The following GRID1 variants were observed in gnomAD, a reference collection of about 807,000 sequenced individuals.
GRID1 encodes glutamate ionotropic receptor delta type subunit 1.
A neutral mutation model predicts 98.0 loss-of-function variants in GRID1; 28 were observed. The observed-to-expected ratio is 0.29, with a 90% CI of 0.21 to 0.39. The LOEUF (loss-of-function observed/expected upper bound fraction) is 0.39. GRID1 is among the 10% of genes least tolerant of loss of function. The probability of loss-of-function intolerance (pLI) is 1.00; values close to 1 mark genes in which losing one functional copy is unlikely to be tolerated. For missense variants in GRID1, 1,111 were observed against 1,340.5 expected, an observed-to-expected ratio of 0.83 and a Z score of 2.67; for synonymous variants, 553 against 538.5, an observed-to-expected ratio of 1.03 and a Z score of -0.37.
Position 85,779,955 on chromosome 10 carries a change from G to A in GRID1, c.1234-50341C>T, listed in dbSNP as rs185349417. 2.5e-3 allele frequency among the ~76,000 whole-genome samples: 386 copies of A among 152,278 alleles called. 4 individuals carry two copies. The highest frequency in any genetic ancestry group is 3.4e-3 in the Middle Eastern group (1 of 294). ...GTGGGATGTTGGAAAGATGCCTGCC[G>A]GAGAAAGGGAAGGGGTAAATGACTA... On this transcript the variant is annotated intron_variant, in intron 8 of 15. Coordinates refer to ENST00000327946, the MANE Select transcript of GRID1 (RefSeq NM_017551.3).
At chr10:86,315,949 T>C (rs1012269551) in intron 2 of GRID1, among the ~76,000 whole-genome samples, 4 of 152,058 alleles carry the variant, frequency 2.6e-5, no homozygotes, top group African/African-American at 7.3e-5. Flanking sequence ...CATTTACCCA[T>C]TTTTCTAACT....
chr10:85,946,690 A>G (rs1410026874), intron 4 of GRID1, among the ~76,000 whole-genome samples: 1 of 152,176 alleles, frequency 6.6e-6, no homozygotes, highest in African/African-American at 2.4e-5. Context: ...GGGGGGAAGA[A>G]TCCCCAGGTC....
At chr10:86,065,210 C>CA (rs1165616109) in intron 4 of GRID1, among the ~76,000 whole-genome samples, 1 of 152,254 alleles carries the variant, frequency 6.6e-6, no homozygotes, top group Non-Finnish European at 1.5e-5. Flanking sequence ...CCAGCAGCGT[C>CA]AGCATCACCT....
chr10:86,088,048 C>T (rs141236899), intron 4 of GRID1, among the ~76,000 whole-genome samples: 253 of 152,368 alleles, frequency 1.7e-3, no homozygotes, highest in African/African-American at 5.9e-3. Flanking sequence ...GCCCCACAAA[C>T]GCTTCCGTGG....
At chr10:85,834,804 CAG>C (rs1342351982) in intron 8 of GRID1, among the ~76,000 whole-genome samples, 2 of 151,926 alleles carry the variant, frequency 1.3e-5, no homozygotes, top group African/African-American at 2.4e-5. Flanking sequence ...AAATTAAAAA[CAG>C]AGGAAATAAA....
intron 3 of GRID1, among the ~76,000 whole-genome samples, chr10:86,203,668 A>G (rs1845985989): frequency 6.6e-6 from 1 of 151,856 alleles, no homozygotes; most frequent in Non-Finnish European, 1.5e-5. Flanking sequence ...GGCCTCCAGC[A>G]AGCCGAGAGC....
At chr10:85,712,588 C>G (rs1183706558) in intron 12 of GRID1, among the ~76,000 whole-genome samples, 1 of 151,844 alleles carries the variant, frequency 6.6e-6, no homozygotes, top group Admixed American at 6.6e-5. Context: ...CAAACATATA[C>G]AGAACATTCC....
chr10:85,927,634 T>C lies in GRID1; in HGVS notation c.727-11395A>G, dbSNP rs141060286. On this transcript the variant is annotated intron_variant, in intron 4 of 15. Coordinates refer to ENST00000327946, the MANE Select transcript of GRID1 (RefSeq NM_017551.3). ...CCCAGAAACTTGTCAAAATTGGCTA[T>C]ACCCGGTGTTTATTTTTCAAACGAA... Among the ~76,000 whole-genome samples, 562 of 152,294 alleles carry C rather than the reference T, an allele frequency of 3.7e-3. 4 individuals carry two copies. Among genetic ancestry groups the C allele is most frequent in the African/African-American group, 0.013 (535 of 41,558 alleles).
intron 4 of GRID1, among the ~76,000 whole-genome samples, chr10:86,095,509 G>GA (rs1191253281): frequency 1.3e-5 from 2 of 149,840 alleles, no homozygotes; most frequent in South Asian, 2.1e-4. Flanking sequence ...AAATCAGTAA[G>GA]AAAAAAAAAT....
Position 85,913,662 on chromosome 10 carries a change from G to T in GRID1, c.780+2524C>A, listed in dbSNP as rs1414089719. 4.0e-5 allele frequency among the ~76,000 whole-genome samples: 6 copies of T among 150,362 alleles called. 1 individual carries two copies. The highest frequency in any genetic ancestry group is 9.8e-5 in the African/African-American group (4 of 40,618). On this transcript the variant is annotated intron_variant, in intron 5 of 15. Transcript: ENST00000327946. ...AGATTAGCTGGGTGAGCTGGCACACGCCTGTAGTCCCAGCTACTCAGGAGG... is the reference window on the plus strand; with the variant it reads ...AGATTAGCTGGGTGAGCTGGCACACTCCTGTAGTCCCAGCTACTCAGGAGG...
intron 4 of GRID1, among the ~76,000 whole-genome samples, chr10:86,103,131 G>C (rs1844324127): frequency 6.6e-6 from 1 of 151,998 alleles, no homozygotes. Context: ...GTATGAAATG[G>C]GCTAATACAG....
chr10:86,175,532 C>G (rs1314080054), intron 3 of GRID1, among the ~76,000 whole-genome samples: 3 of 152,126 alleles, frequency 2.0e-5, no homozygotes, highest in Non-Finnish European at 4.4e-5. Context: ...CTCGAACCCA[C>G]CCCATCTGCC....
chr10:85,888,269 C>T (rs1044849984), intron 5 of GRID1, among the ~76,000 whole-genome samples: 5 of 152,324 alleles, frequency 3.3e-5, no homozygotes, highest in Admixed American at 3.3e-4. Context: ...CATCCACCTC[C>T]TCCATCACAG....
intron 5 of GRID1, among the ~76,000 whole-genome samples, chr10:85,881,087 A>G (rs557479445): frequency 6.6e-6 from 1 of 152,350 alleles, no homozygotes; most frequent in African/African-American, 2.4e-5. Context: ...GACCTCTTCA[A>G]GGAGAACTAC....
chr10:85,618,822 T>C (rs558012488), intron 14 of GRID1, among the ~76,000 whole-genome samples: 1 of 152,292 alleles, frequency 6.6e-6, no homozygotes, highest in African/African-American at 2.4e-5. Context: ...TGGATTCTAC[T>C]CCCAGCTCTG....
chr10:86,120,169 C>T (rs1218255800), intron 4 of GRID1, among the ~76,000 whole-genome samples: 1 of 152,132 alleles, frequency 6.6e-6, no homozygotes, highest in Non-Finnish European at 1.5e-5. Flanking sequence ...GCCTGGCCTC[C>T]TGTTCCTCCA....
chr10:85,991,129 C>T (rs1234935496), intron 4 of GRID1, among the ~76,000 whole-genome samples: 1 of 152,106 alleles, frequency 6.6e-6, no homozygotes, highest in East Asian at 1.9e-4. Context: ...CCCAGAGTTG[C>T]CTGATTGTCT....
At chr10:85,667,155 T>C (rs1841028648) in intron 12 of GRID1, among the ~76,000 whole-genome samples, 1 of 152,210 alleles carries the variant, frequency 6.6e-6, no homozygotes, top group South Asian at 2.1e-4. Flanking sequence ...TTGACGTGAC[T>C]GTCTCCAGTG....
chr10:86,114,884 C>G (rs1844549937), intron 4 of GRID1, among the ~76,000 whole-genome samples: 1 of 152,216 alleles, frequency 6.6e-6, no homozygotes, highest in African/African-American at 2.4e-5. Flanking sequence ...ATTTCCATCA[C>G]CCAGTACAGG....
Sources: allele counts gnomAD v4.1 joint callset (sites outside exome capture counted in the v4.1 genomes callset), GRCh38; gene constraint gnomAD v4.1.1; transcripts MANE v1.5; gene names NCBI Gene and HGNC (gene_info 2026-07-23, HGNC 2026-07-21).